GOSR2: variants seen among roughly 807,000 people sequenced by gnomAD.
GOSR2 encodes the protein 27 kDa Golgi SNARE protein.
A neutral mutation model predicts 27.9 loss-of-function variants in GOSR2; 20 were observed. The ratio of observed to expected loss-of-function variants is 0.72; its 90% CI spans 0.50 to 1.04. The LOEUF is 1.04. Ranked by LOEUF, GOSR2 falls within the 50% of genes least tolerant of loss-of-function variation. The probability of loss-of-function intolerance (pLI) is 0.00; values close to 1 mark genes in which losing one functional copy is unlikely to be tolerated. For synonymous variants in GOSR2, 91 were observed against 98.8 expected, an observed-to-expected ratio of 0.92 and a Z score of 0.47; for missense variants, 261 against 270.5, an observed-to-expected ratio of 0.97 and a Z score of 0.25.
chr17:46,956,887 G>A (rs1257557969), intron 6 of GOSR2, among the ~76,000 whole-genome samples: 6 of 152,224 alleles, frequency 3.9e-5, no homozygotes, highest in Non-Finnish European at 8.8e-5. Flanking sequence ...TGGCAAGAAA[G>A]GATGCTAATG....
chr17:46,954,874 C>G (rs906812935), intron 6 of GOSR2, among the ~76,000 whole-genome samples: 2 of 152,178 alleles, frequency 1.3e-5, no homozygotes, highest in Non-Finnish European at 2.9e-5. Flanking sequence ...ATTTTGTATC[C>G]TGAGACTTTG....
chr17:46,973,630 A>G (rs981680762), intron 6 of GOSR2, among the ~76,000 whole-genome samples: 4 of 152,186 alleles, frequency 2.6e-5, no homozygotes, highest in African/African-American at 9.7e-5. Flanking sequence ...CAATGCTGTC[A>G]TCTCAGAGGC....
At position 46,972,714 on chromosome 17, in the gene GOSR2, C is replaced by T. The variant is rs1160281168; in HGVS notation, c.616-2485C>T. On this transcript the variant is annotated intron_variant, in intron 6 of 6. Coordinates refer to the GOSR2 transcript ENST00000640723. ...TGCTCTGTAGCCCCAAACCCTGTAC[C>T]CCACTGGCTGACGCTGGCTACCCAA... 2.0e-5 allele frequency among the ~76,000 whole-genome samples: 3 copies of T among 152,288 alleles called. No individual in the cohort carries two copies. In the South Asian group the frequency reaches 6.2e-4, roughly 32 times the overall value.
At position 46,935,095 on chromosome 17, in the gene GOSR2, A is replaced by G. The variant is rs1266507606; in HGVS notation, c.403A>G (p.Asn135Asp). ...TAACTCCTCCCTCCAGAAAGTTCAC[A>G]ACGGCATGGATGACCTCATTTTAGA... Reference protein sequence around the residue: ...QFNSSLQKVHNGMDDLILDGH... With the variant: ...QFNSSLQKVHDGMDDLILDGH... Residue 135 changes from asparagine to aspartate, a missense_variant, in exon 5 of 6, where the codon AAC becomes GAC. Coordinates refer to ENST00000640051, the MANE Select transcript of GOSR2 (RefSeq NM_004287.5). 6.8e-6 allele frequency: 11 copies of G among 1,613,424 alleles called. No homozygotes were observed. The highest frequency in any genetic ancestry group is 9.3e-6 in the Non-Finnish European group (11 of 1,179,442).
chr17:46,932,995 C>T (rs2087636038), intron 4 of GOSR2: 1 of 152,290 alleles, frequency 6.6e-6, no homozygotes, highest in Non-Finnish European at 1.5e-5. Context: ...TGCATCCTTG[C>T]TTTGCAATAA....
At chr17:46,973,555 A>T (rs2091414636) in intron 6 of GOSR2, among the ~76,000 whole-genome samples, 1 of 152,042 alleles carries the variant, frequency 6.6e-6, no homozygotes, top group Non-Finnish European at 1.5e-5. Flanking sequence ...TTATCATGGG[A>T]TCTCAAGTCT....
In GOSR2 at chr17:46,939,048, G is replaced by A; in HGVS notation, c.*288G>A. On this transcript the variant is annotated 3_prime_UTR_variant, in exon 6 of 6. Coordinates refer to ENST00000640051, the MANE Select transcript of GOSR2 (RefSeq NM_004287.5). ...GGGGGAGGGAAAGAATGGCTTTGGTGGCTTTGTTCACATAGCTGATGCGTG... is the reference window on the plus strand; with the variant it reads ...GGGGGAGGGAAAGAATGGCTTTGGTAGCTTTGTTCACATAGCTGATGCGTG... 1 of 1,267,740 alleles carries A rather than the reference G, an allele frequency of 7.9e-7. No homozygotes were observed. Among genetic ancestry groups the A allele is most frequent in the Non-Finnish European group, 1.0e-6 (1 of 991,842 alleles). The allele number at this position is 1,267,740 out of a possible 1,614,324, so 78.5% of individuals were successfully genotyped here.
chr17:46,923,266 C>T (rs1156704932), intron 1 of GOSR2, 45 bp downstream of exon 1: 7 of 1,550,112 alleles, frequency 4.5e-6, no homozygotes, highest in Non-Finnish European at 6.1e-6. Flanking sequence ...CGAGGCGAGG[C>T]CAGGTGAGCC....
At chr17:46,951,519 G>A (rs2090345379) in intron 6 of GOSR2, among the ~76,000 whole-genome samples, 1 of 152,178 alleles carries the variant, frequency 6.6e-6, no homozygotes, top group Non-Finnish European at 1.5e-5. Context: ...CCTTTTAACT[G>A]GCGTAGCCCT....
intron 6 of GOSR2, among the ~76,000 whole-genome samples, chr17:46,965,916 C>T (rs2091298485): frequency 6.6e-6 from 1 of 151,890 alleles, no homozygotes; most frequent in African/African-American, 2.4e-5. Context: ...CAGACGTGAG[C>T]CACTGTGCCT....
intron 1 of GOSR2, chr17:46,923,987 C>T (rs546754583): frequency 2.5e-6 from 1 of 397,122 alleles, no homozygotes; most frequent in East Asian, 3.6e-5. Flanking sequence ...AAAATATACA[C>T]AACATAAGAT....
Position 46,951,890 on chromosome 17 carries a change from T to TC in GOSR2, c.583+13193dup, listed in dbSNP as rs150492664. 4.3e-3 allele frequency among the ~76,000 whole-genome samples: 653 copies of TC among 151,708 alleles called. 37 individuals carry two copies. In the East Asian group the frequency reaches 0.1, roughly 24 times the overall value. On this transcript the variant is annotated intron_variant, in intron 6 of 6. Coordinates refer to the GOSR2 transcript ENST00000573224. Reference sequence around the variant, plus strand: ...CTCGGGGTGTTTGCCTCGCTGCTTCTCCCCCCCAGACATCACCTCCCTCAC... The same window carrying TC: ...CTCGGGGTGTTTGCCTCGCTGCTTCTCCCCCCCCAGACATCACCTCCCTCAC...
At chr17:46,962,125 A>T (rs551890287) in intron 6 of GOSR2, among the ~76,000 whole-genome samples, 1 of 152,288 alleles carries the variant, frequency 6.6e-6, no homozygotes, top group Admixed American at 6.5e-5. Flanking sequence ...CAGAAGCTCG[A>T]GACCAGTCTG....
chr17:46,930,613 CTG>C, intron 2 of GOSR2: 1 of 157,812 alleles, frequency 6.3e-6, no homozygotes, highest in East Asian at 1.9e-4. Context: ...GAACTCTTCT[CTG>C]TATGTTTCAC....
rs558931444 is a variant in GOSR2 at position 46,961,467 on chromosome 17, C to T, written c.584-5067C>T. Among the ~76,000 whole-genome samples, 5 of 152,028 alleles carry T rather than the reference C, an allele frequency of 3.3e-5. No homozygotes were observed. In the South Asian group the frequency reaches 1.0e-3, roughly 32 times the overall value. On this transcript the variant is annotated intron_variant, in intron 6 of 6. Coordinates refer to the GOSR2 transcript ENST00000573224. The stretch of plus-strand genomic sequence containing the variant: ...AGAGGATTGCTTAAGCTCAGGAGTT[C>T]GAGGCTGCAGTGAGCTATGATCACG...
At chr17:46,933,856 C>T (rs181403300) in intron 4 of GOSR2, among the ~76,000 whole-genome samples, 37 of 151,632 alleles carry the variant, frequency 2.4e-4, no homozygotes, top group African/African-American at 8.2e-4. Context: ...CCCAACTACT[C>T]TCTGGAGCCT....
chr17:46,967,653 T>G (rs959242978), downstream of GOSR2, among the ~76,000 whole-genome samples: 3 of 152,006 alleles, frequency 2.0e-5, no homozygotes, highest in African/African-American at 7.2e-5. Flanking sequence ...TACTGGGAAA[T>G]GGGCCGGTGC....
rs199529204 is a variant in GOSR2, at chr17:46,941,740, ATT to A, written c.*2995_*2996del. 227 of 149,696 alleles carry A rather than the reference ATT, an allele frequency of 1.5e-3. No individual in the cohort carries two copies. The highest frequency in any genetic ancestry group is 2.1e-3 in the Non-Finnish European group (152 of 71,936). 9.3% of individuals were successfully genotyped at this position (149,696 alleles called of 1,614,324 possible). On this transcript the variant is annotated 3_prime_UTR_variant, in exon 6 of 6. Transcript: ENST00000640051. ...AAGTGTGTGCCACCATGTCTGGCTAATTTTTTTTTTTTTTTTGTATTTTTTAG... is the reference window on the plus strand; with the variant it reads ...AAGTGTGTGCCACCATGTCTGGCTAATTTTTTTTTTTTTTGTATTTTTTAG...
intron 6 of GOSR2, among the ~76,000 whole-genome samples, chr17:46,948,349 T>C (rs970981527): frequency 1.3e-5 from 2 of 152,228 alleles, no homozygotes; most frequent in Non-Finnish European, 2.9e-5. Context: ...TAGCATTGCA[T>C]AGGACCCAGG....
Sources: gnomAD v4.1 joint callset for allele counts (sites outside exome capture counted in the v4.1 genomes callset) on GRCh38, gnomAD v4.1.1 for gene constraint, MANE v1.5 for transcripts, NCBI Gene and HGNC (gene_info 2026-07-23, HGNC 2026-07-21) for gene names.